The following KIF26B variants were observed in gnomAD, a reference collection of about 807,000 sequenced individuals.
KIF26B encodes the protein kinesin-like protein KIF26B.
Under a neutral mutation model 151.2 loss-of-function variants are expected in KIF26B, and 63 were observed. That is an observed-to-expected ratio of 0.42 (90% confidence interval 0.34 to 0.51). KIF26B has a LOEUF of 0.51. KIF26B is among the 20% of genes least tolerant of loss of function. KIF26B has a pLI of 0.07. For synonymous variants in KIF26B, 1,357 were observed against 1,262.1 expected, an observed-to-expected ratio of 1.08 and a Z score of -1.59; for missense variants, 2,813 against 2,913.6, an observed-to-expected ratio of 0.97 and a Z score of 0.79.
In KIF26B at chr1:245,531,711, A is replaced by G. The variant is rs568162782; in HGVS notation, c.1167-9056A>G. Among the ~76,000 whole-genome samples the G allele has an allele frequency of 3.3e-5, 5 of 152,326 alleles. 2 individuals carry two copies. In the South Asian group the frequency reaches 1.0e-3, roughly 32 times the overall value. ...ACATGGCATGGACCCTGAATAAGTG[A>G]ACAGTGCAGTGATGGTGGCGAGGCA... On this transcript the variant is annotated intron_variant, in intron 4 of 14. Coordinates refer to ENST00000407071, the MANE Select transcript of KIF26B (RefSeq NM_018012.4).
chr1:245,526,649 G>A lies in KIF26B; in HGVS notation c.1167-14118G>A, dbSNP rs114513225. 2.3e-3 allele frequency among the ~76,000 whole-genome samples: 343 copies of A among 152,296 alleles called. 1 individual carries two copies. Among genetic ancestry groups the A allele is most frequent in the African/African-American group, 7.5e-3 (312 of 41,568 alleles). On this transcript the variant is annotated intron_variant, in intron 4 of 14. Transcript: ENST00000407071. The stretch of plus-strand genomic sequence containing the variant: ...CAAACCACAGAGCATGTCACCCAGC[G>A]TTGACAATTAATTAGCTTTGCTCTG...
intron 3 of KIF26B, among the ~76,000 whole-genome samples, chr1:245,369,295 C>T (rs1204907561): frequency 6.6e-6 from 1 of 152,254 alleles, no homozygotes; most frequent in African/African-American, 2.4e-5. Context: ...GAAAAAGGAA[C>T]AAGTCGAGTG....
chr1:245,484,923 A>G (rs7545922), intron 4 of KIF26B, among the ~76,000 whole-genome samples: 6,952 of 152,040 alleles, frequency 0.046, 538 homozygotes, highest in African/African-American at 0.16. Context: ...GCATCTTGGT[A>G]TTTTAAGTGT....
intron 5 of KIF26B, among the ~76,000 whole-genome samples, chr1:245,559,568 C>G (rs1011940614): frequency 1.3e-5 from 2 of 151,314 alleles, no homozygotes; most frequent in African/African-American, 4.8e-5. Flanking sequence ...CACGCCCCCA[C>G]ACCTGCCTAA....
intron 5 of KIF26B, among the ~76,000 whole-genome samples, chr1:245,595,221 G>A (rs1284387285): frequency 6.6e-6 from 1 of 152,196 alleles, no homozygotes; most frequent in Non-Finnish European, 1.5e-5. Context: ...TGGTGAGAGA[G>A]GGCATTCTTG....
At chr1:245,681,288 C>T (rs2044434648) in intron 10 of KIF26B, among the ~76,000 whole-genome samples, 1 of 151,364 alleles carries the variant, frequency 6.6e-6, no homozygotes. Flanking sequence ...CGGCTCACTG[C>T]AAGCTCCACC....
Position 245,244,756 on chromosome 1 carries a change from TCACA to T in KIF26B, c.465+88106_465+88109del, listed in dbSNP as rs55638619. Among the ~76,000 whole-genome samples, 765 of 144,448 alleles carry T rather than the reference TCACA, an allele frequency of 5.3e-3. 5 individuals are homozygous for T. Among genetic ancestry groups the T allele is most frequent in the African/African-American group, 0.015 (580 of 39,226 alleles). 94.8% of individuals were successfully genotyped at this position (144,448 alleles called of 152,430 possible). ...AGAAGGAACACACAGACACGCACACTCACACACACACACACACACACACACACAC... is the reference window on the plus strand; with the variant it reads ...AGAAGGAACACACAGACACGCACACTCACACACACACACACACACACACAC... On this transcript the variant is annotated intron_variant, in intron 2 of 14. Coordinates refer to ENST00000407071, the MANE Select transcript of KIF26B (RefSeq NM_018012.4). This position sits in a 1 kb window ranked among gnomAD's most constrained non-coding sequence, Gnocchi z 4.2.
chr1:245,457,480 A>G (rs1659561555), intron 4 of KIF26B, among the ~76,000 whole-genome samples: 1 of 152,252 alleles, frequency 6.6e-6, no homozygotes, highest in Non-Finnish European at 1.5e-5. Flanking sequence ...ATGATATTAG[A>G]AAGATTTTAT....
In KIF26B at chr1:245,469,156, G is replaced by A. The variant is rs182261896; in HGVS notation, c.1166+49411G>A. On this transcript the variant is annotated intron_variant, in intron 4 of 14. Transcript: ENST00000407071. Reference sequence around the variant, plus strand: ...CTACCAGCATGGCTGGAGCAAAAACGCCAGAGTCTCACGTACAAACATTAC... The same window carrying A: ...CTACCAGCATGGCTGGAGCAAAAACACCAGAGTCTCACGTACAAACATTAC... Among the ~76,000 whole-genome samples, 343 of 152,310 alleles carry A rather than the reference G, an allele frequency of 2.3e-3. 1 individual carries two copies. The highest frequency in any genetic ancestry group is 4.0e-3 in the Non-Finnish European group (270 of 68,032).
At chr1:245,420,698 T>C (rs1300472214) in intron 4 of KIF26B, among the ~76,000 whole-genome samples, 1 of 152,254 alleles carries the variant, frequency 6.6e-6, no homozygotes, top group Admixed American at 6.5e-5. Context: ...ATGAGGATGA[T>C]ACCTGCTCTG....
chr1:245,414,942 C>A (rs894680663), intron 3 of KIF26B, among the ~76,000 whole-genome samples: 4 of 152,154 alleles, frequency 2.6e-5, no homozygotes, highest in African/African-American at 9.7e-5. Context: ...GGGAAAAAAA[C>A]GGGAATCAGA....
chr1:245,499,915 C>T (rs1387465992), intron 4 of KIF26B, among the ~76,000 whole-genome samples: 1 of 152,198 alleles, frequency 6.6e-6, no homozygotes, highest in Non-Finnish European at 1.5e-5. Flanking sequence ...CTAAGGGAGA[C>T]ATTCTCCCCC....
In KIF26B at chr1:245,601,158, G is replaced by A. The variant is rs369360494; in HGVS notation, c.1351-1419G>A. The stretch of plus-strand genomic sequence containing the variant: ...CAAGATCTAAACCCTCAGAGGTAGA[G>A]TGCGTCCCACACTCGGGCTCCTTCT... On this transcript the variant is annotated intron_variant, in intron 5 of 14. Coordinates refer to ENST00000407071, the MANE Select transcript of KIF26B (RefSeq NM_018012.4). The surrounding 1 kb of genome is among the most constrained non-coding windows in gnomAD (Gnocchi z 4.4). 3.9e-5 allele frequency among the ~76,000 whole-genome samples: 6 copies of A among 152,330 alleles called. No individual in the cohort carries two copies. The highest frequency in any genetic ancestry group is 1.3e-4 in the Admixed American group (2 of 15,304).
chr1:245,653,618 C>T (rs1436917884), intron 10 of KIF26B, among the ~76,000 whole-genome samples: 2 of 152,134 alleles, frequency 1.3e-5, no homozygotes, highest in African/African-American at 4.8e-5. Flanking sequence ...TAATAGGCAA[C>T]AGGGCCTCAC....
intron 2 of KIF26B, among the ~76,000 whole-genome samples, chr1:245,165,397 T>C (rs1006499206): frequency 5.9e-5 from 9 of 152,186 alleles, no homozygotes; most frequent in African/African-American, 2.2e-4. Flanking sequence ...TTTGTTATTG[T>C]GAGCCCAGTG....
chr1:245,594,874 G>A (rs2043324472), intron 5 of KIF26B, among the ~76,000 whole-genome samples: 1 of 152,104 alleles, frequency 6.6e-6, no homozygotes, highest in South Asian at 2.1e-4. Flanking sequence ...CCCTTGAAGA[G>A]GTCCTTCACA....
chr1:245,644,181 T>G (rs189246224), intron 9 of KIF26B, among the ~76,000 whole-genome samples: 41 of 151,914 alleles, frequency 2.7e-4, no homozygotes, highest in Middle Eastern at 3.4e-3. Flanking sequence ...TTATTTGTTG[T>G]TTTTTTTCCC....
chr1:245,655,534 G>T (rs1437831012), intron 10 of KIF26B, among the ~76,000 whole-genome samples: 1 of 152,208 alleles, frequency 6.6e-6, no homozygotes, highest in Non-Finnish European at 1.5e-5. Context: ...TGGTTTAAGA[G>T]AATTCTACAG....
chr1:245,447,869 C>T (rs540950117), intron 4 of KIF26B, among the ~76,000 whole-genome samples: 2 of 152,364 alleles, frequency 1.3e-5, no homozygotes, highest in Non-Finnish European at 1.5e-5. Context: ...CTGCCACTCT[C>T]AGCACACTGC....
Sources: allele counts gnomAD v4.1 joint callset (sites outside exome capture counted in the v4.1 genomes callset), GRCh38; gene constraint gnomAD v4.1.1; non-coding constraint Gnocchi (gnomAD v3.1); transcripts MANE v1.5; gene names NCBI Gene and HGNC (gene_info 2026-07-23, HGNC 2026-07-21).